EBF2: variants seen among roughly 807,000 people sequenced by gnomAD.
EBF2 encodes transcription factor COE2.
A neutral mutation model predicts 72.8 loss-of-function variants in EBF2; 21 were observed. That is an observed-to-expected ratio of 0.29 (90% CI 0.20 to 0.42). The LOEUF is 0.42. EBF2 is among the 10% of genes least tolerant of loss of function. The pLI is 1.00. For synonymous variants in EBF2, 299 were observed against 274.2 expected, an observed-to-expected ratio of 1.09 and a Z score of -0.89; for missense variants, 637 against 731.2, an observed-to-expected ratio of 0.87 and a Z score of 1.49.
intron 6 of EBF2, among the ~76,000 whole-genome samples, chr8:26,029,465 G>A (rs907806531): frequency 6.6e-6 from 1 of 152,188 alleles, no homozygotes; most frequent in Non-Finnish European, 1.5e-5. Flanking sequence ...CAGTTTGGAA[G>A]GCAAAGTCCT....
intron 10 of EBF2, among the ~76,000 whole-genome samples, chr8:25,879,574 G>A (rs1029662630): frequency 6.6e-6 from 1 of 152,082 alleles, no homozygotes; most frequent in African/African-American, 2.4e-5. Context: ...GATACCAGAA[G>A]CTCTACATGC....
chr8:25,850,563 T>C, intron 15 of EBF2, 31 bp downstream of exon 15: 1 of 1,511,560 alleles, frequency 6.6e-7, no homozygotes. Context: ...TATGGTACAT[T>C]GTGTATCCCC....
At chr8:25,931,167 T>C (rs979233109) in intron 6 of EBF2, among the ~76,000 whole-genome samples, 2 of 152,220 alleles carry the variant, frequency 1.3e-5, no homozygotes, top group Non-Finnish European at 2.9e-5. Context: ...AGGGGCACAC[T>C]ATAAATTTGG....
intron 6 of EBF2, among the ~76,000 whole-genome samples, chr8:25,990,198 C>CACAG (rs1304199077): frequency 1.3e-5 from 2 of 151,798 alleles, no homozygotes; most frequent in African/African-American, 4.8e-5. Context: ...TACACACACA[C>CACAG]ACACACACAC....
chr8:25,982,756 T>C (rs1804383214), intron 6 of EBF2, among the ~76,000 whole-genome samples: 1 of 152,042 alleles, frequency 6.6e-6, no homozygotes, highest in Admixed American at 6.6e-5. Context: ...AAGTTCAGGG[T>C]GATTTAAATT....
Position 25,861,186 on chromosome 8 carries a change from A to G in EBF2, c.1205T>C (p.Leu402Pro). Residue 402 changes from leucine to proline, a missense_variant, in exon 13 of 16, where the codon CTC becomes CCC. Around this residue, in one of 3 missense-constraint regions of EBF2, gnomAD observed 259 missense variants for 268.1 expected, o/e 0.97. Coordinates refer to ENST00000520164, the MANE Select transcript of EBF2 (RefSeq NM_022659.4). Reference protein sequence around the residue: ...LKRAADIAEALYSVPRNPSQL... With the variant: ...LKRAADIAEAPYSVPRNPSQL... ...GCTGGGATTCCTGGGGACGCTGTAG[A>G]GAGCTTCAGCAATGTCTGCGGCTCG... 6.2e-7 allele frequency: 1 copy of G among 1,613,958 alleles called. No homozygotes were observed. The highest frequency in any genetic ancestry group is 8.5e-7 in the Non-Finnish European group (1 of 1,179,896).
intron 6 of EBF2, among the ~76,000 whole-genome samples, chr8:25,931,481 A>T (rs1803478666): frequency 6.6e-6 from 1 of 152,086 alleles, no homozygotes; most frequent in Admixed American, 6.6e-5. Flanking sequence ...AGGGAAGAAA[A>T]ATTGGTTTAT....
At chr8:25,883,104 A>C (rs558328181) in intron 10 of EBF2, among the ~76,000 whole-genome samples, 1 of 152,352 alleles carries the variant, frequency 6.6e-6, no homozygotes, top group East Asian at 1.9e-4. Flanking sequence ...GAGGACTTTG[A>C]CTAGTTAATC....
intron 6 of EBF2, among the ~76,000 whole-genome samples, chr8:25,931,356 T>C (rs1803476785): frequency 6.6e-6 from 1 of 152,210 alleles, no homozygotes; most frequent in Admixed American, 6.5e-5. Flanking sequence ...TGGCCTGGTC[T>C]AAAGCAATTG....
chr8:25,974,498 T>C (rs1471132374), intron 6 of EBF2, among the ~76,000 whole-genome samples: 4 of 152,246 alleles, frequency 2.6e-5, no homozygotes, highest in African/African-American at 7.2e-5. Context: ...AAAGCTGATT[T>C]AGCTATCAAT....
chr8:26,020,619 T>A (rs1805189847), intron 6 of EBF2, among the ~76,000 whole-genome samples: 1 of 151,740 alleles, frequency 6.6e-6, no homozygotes, highest in African/African-American at 2.4e-5. Flanking sequence ...AGAGGAAAGG[T>A]AAACAAAGGA....
intron 6 of EBF2, among the ~76,000 whole-genome samples, chr8:25,930,162 G>A (rs1585198967): frequency 6.6e-6 from 1 of 152,114 alleles, no homozygotes; most frequent in South Asian, 2.1e-4. Context: ...CATCTCCAGG[G>A]CTCATCCAGA....
At chr8:25,856,584 AGT>A (rs1223495473) in intron 14 of EBF2, among the ~76,000 whole-genome samples, 1 of 152,186 alleles carries the variant, frequency 6.6e-6, no homozygotes, top group East Asian at 1.9e-4. Context: ...TAAGCTGTAA[AGT>A]GGAATGTAAT....
intron 9 of EBF2, 133 bp downstream of exon 9, chr8:25,887,709 T>C (rs959589685): frequency 2.9e-5 from 31 of 1,083,986 alleles, no homozygotes; most frequent in African/African-American, 3.2e-5. Context: ...TGGATACTTA[T>C]CTTCTTAAGA....
chr8:25,855,561 T>C (rs1289988926), intron 14 of EBF2, among the ~76,000 whole-genome samples: 1 of 152,164 alleles, frequency 6.6e-6, no homozygotes, highest in East Asian at 1.9e-4. Context: ...CGTGGCATGG[T>C]CCAGCCACAT....
At position 25,943,774 on chromosome 8, in the gene EBF2, T is replaced by C. The variant is rs138244268; in HGVS notation, c.552-35219A>G. 3.8e-3 allele frequency among the ~76,000 whole-genome samples: 582 copies of C among 152,282 alleles called. 9 individuals carry two copies. Among genetic ancestry groups the C allele is most frequent in the African/African-American group, 0.013 (558 of 41,564 alleles). On this transcript the variant is annotated intron_variant, in intron 6 of 15. Coordinates refer to ENST00000520164, the MANE Select transcript of EBF2 (RefSeq NM_022659.4). ...AGTTCTCCCCAGTATAATTCTCAGC[T>C]GAAACATCAAAACACTATCAAAGGG...
At chr8:25,976,445 T>C (rs976762610) in intron 6 of EBF2, among the ~76,000 whole-genome samples, 113 of 152,350 alleles carry the variant, frequency 7.4e-4, no homozygotes, top group African/African-American at 2.6e-3. Context: ...CATAACATTC[T>C]GGGCAAATCC....
intron 6 of EBF2, among the ~76,000 whole-genome samples, chr8:25,998,500 A>C (rs540491881): frequency 6.6e-6 from 1 of 152,326 alleles, no homozygotes; most frequent in East Asian, 1.9e-4. Context: ...TTAGGGCAAA[A>C]CTGCTGTAAT....
intron 3 of EBF2, 66 bp downstream of exon 3, chr8:26,040,873 G>A (rs905884560): frequency 3.5e-5 from 56 of 1,603,416 alleles, no homozygotes; most frequent in Non-Finnish European, 4.3e-5. Context: ...TCATGGCAAG[G>A]TCAGCGCGTG....
Sources: gnomAD v4.1 joint callset for allele counts (sites outside exome capture counted in the v4.1 genomes callset) on GRCh38, gnomAD v4.1.1 for gene constraint, gnomAD v4.1.1 regional missense constraint, MANE v1.5 for transcripts, NCBI Gene and HGNC (gene_info 2026-07-23, HGNC 2026-07-21) for gene names.